Variants in FGF12 observed in about 807,000 individuals in gnomAD.
FGF12 encodes fibroblast growth factor 12B.
Under a neutral mutation model 23.6 loss-of-function variants are expected in FGF12, and 14 were observed. The observed-to-expected ratio is 0.59, with a 90% CI of 0.39 to 0.93. The LOEUF (loss-of-function observed/expected upper bound fraction) is 0.93. Among genes scored for constraint, FGF12 ranks in the 40% least tolerant of loss-of-function variants. FGF12 has a pLI of 0.00. For synonymous variants in FGF12, 62 were observed against 77.3 expected (o/e 0.80, Z 1.04); for missense variants, 175 against 217.8 (o/e 0.80, Z 1.24).
At chr3:192,481,078 A>T (rs939491509) in intron 2 of FGF12, among the ~76,000 whole-genome samples, 5 of 152,174 alleles carry the variant, frequency 3.3e-5, no homozygotes, top group African/African-American at 4.8e-5. Flanking sequence ...CTCCCCTCAA[A>T]ATCAAGTAAC....
intron 2 of FGF12, among the ~76,000 whole-genome samples, chr3:192,455,598 T>C (rs78786942): frequency 0.026 from 3,978 of 152,284 alleles, 136 homozygotes; most frequent in African/African-American, 0.083. Context: ...TTTTATAACT[T>C]TTTTATTTAA....
At position 192,389,177 on chromosome 3, in the gene FGF12, T is replaced by A. The variant is rs563229565; in HGVS notation, c.14-28639A>T. On this transcript the variant is annotated intron_variant, in intron 2 of 5. Coordinates refer to ENST00000445105, the MANE Select transcript of FGF12 (RefSeq NM_004113.6). ...GAGTTCCAGACCAGCCTGGGCAACA[T>A]GGCGAAACCCCATCTCTACTAAAAA... 4.6e-5 allele frequency among the ~76,000 whole-genome samples: 7 copies of A among 152,248 alleles called. No individual in the cohort carries two copies. The East Asian group carries it at 1.4e-3, about 29-fold the overall frequency.
intron 3 of FGF12, among the ~76,000 whole-genome samples, chr3:192,352,495 A>T (rs1718272348): frequency 6.6e-6 from 1 of 152,230 alleles, no homozygotes. Flanking sequence ...ACATTTTATG[A>T]ATCACTGACT....
intron 4 of FGF12, among the ~76,000 whole-genome samples, chr3:192,231,668 G>A (rs1719028734): frequency 6.6e-6 from 1 of 152,006 alleles, no homozygotes; most frequent in Non-Finnish European, 1.5e-5. Flanking sequence ...TACTTAGGAG[G>A]CTGAGGCAGG....
At chr3:192,536,533 A>G (rs371319079) in intron 2 of FGF12, among the ~76,000 whole-genome samples, 32 of 152,298 alleles carry the variant, frequency 2.1e-4, no homozygotes, top group African/African-American at 7.5e-4. Context: ...AGGGCAATAC[A>G]ACTATTAAAA....
Position 192,727,213 on chromosome 3 carries a change from T to TG in FGF12, c.-21dup. 6.3e-7 allele frequency: 1 copy of TG among 1,577,044 alleles called. No homozygotes were observed. The highest frequency in any genetic ancestry group is 8.6e-7 in the Non-Finnish European group (1 of 1,161,074). On this transcript the variant is annotated 5_prime_UTR_variant, in exon 2 of 6. Transcript: ENST00000445105. ...CTCCATTTCGGTCCCTTTCGAGTGC[T>TG]GGGAAGTTCAATGGAAGTTGGCCGG...
intron 2 of FGF12, among the ~76,000 whole-genome samples, chr3:192,512,835 A>AATAAATAAATATATATATATAT (rs35779279): frequency 2.6e-5 from 2 of 76,778 alleles, no homozygotes; most frequent in African/African-American, 1.3e-4. Flanking sequence ...TACTCAAATA[A>AATAAATAAATATATATATATAT]ATATATATAT....
intron 2 of FGF12, among the ~76,000 whole-genome samples, chr3:192,707,744 C>CAAA (rs780175053): frequency 2.4e-5 from 2 of 84,844 alleles, no homozygotes; most frequent in South Asian, 5.7e-4. Context: ...GACTCCTTCT[C>CAAA]AAAAAAAAAA....
chr3:192,381,994 C>CTT (rs112331195), intron 2 of FGF12, among the ~76,000 whole-genome samples: 3,262 of 145,458 alleles, frequency 0.022, 119 homozygotes, highest in African/African-American at 0.077. Flanking sequence ...TAGCATAACA[C>CTT]TTTTTTTTTT....
chr3:192,299,859 C>CCCGATCCCAGTCTAAGATAGTCTTT (rs1715243309), intron 4 of FGF12, among the ~76,000 whole-genome samples: 2 of 152,156 alleles, frequency 1.3e-5, no homozygotes, highest in Non-Finnish European at 2.9e-5. Context: ...CTCAAGTCTT[C>CCCGATCCCAGTCTAAGATAGTCTTT]CCGATCCCAG....
chr3:192,374,211 A>G (rs1020989606), intron 2 of FGF12, among the ~76,000 whole-genome samples: 1 of 152,202 alleles, frequency 6.6e-6, no homozygotes, highest in African/African-American at 2.4e-5. Flanking sequence ...TTTTATAAAA[A>G]CTGGTTTAAT....
chr3:192,150,181 ATTTG>A (rs1277503284), intron 5 of FGF12, among the ~76,000 whole-genome samples: 1 of 74,688 alleles, frequency 1.3e-5, no homozygotes, highest in East Asian at 3.1e-4. Context: ...TTTCTTGTAA[ATTTG>A]TTTGAGTTCA....
At chr3:192,367,146 G>C (rs2108739949) in intron 2 of FGF12, among the ~76,000 whole-genome samples, 1 of 152,322 alleles carries the variant, frequency 6.6e-6, no homozygotes, top group Non-Finnish European at 1.5e-5. Flanking sequence ...AGATAAGCCA[G>C]ATGGTCCACT....
At chr3:192,323,694 G>A (rs917121686) in intron 4 of FGF12, among the ~76,000 whole-genome samples, 4 of 152,156 alleles carry the variant, frequency 2.6e-5, no homozygotes, top group African/African-American at 9.7e-5. Flanking sequence ...ACCTAAAAGA[G>A]TATAATTGAA....
chr3:192,336,869 T>C lies in FGF12; in HGVS notation c.125-1405A>G, dbSNP rs2108702751. ...ATTGACAGTTGTAGAGGATCAAGTC[T>C]TAGACCACAAGTTTAGTAGAACAGG... On this transcript the variant is annotated intron_variant, in intron 3 of 5. Transcript: ENST00000445105. The surrounding 1 kb of genome is among the most constrained non-coding windows in gnomAD (Gnocchi z 4.3). 6.6e-6 allele frequency among the ~76,000 whole-genome samples: 1 copy of C among 152,254 alleles called. No homozygotes were observed. The highest frequency in any genetic ancestry group is 1.9e-4 in the East Asian group (1 of 5,186).
chr3:192,212,229 T>C (rs559301059), intron 4 of FGF12, among the ~76,000 whole-genome samples: 100 of 152,148 alleles, frequency 6.6e-4, no homozygotes, highest in Non-Finnish European at 1.2e-3. Context: ...TATTCTTTCA[T>C]AGACAATAAA....
intron 4 of FGF12, among the ~76,000 whole-genome samples, chr3:192,185,143 ATC>A (rs1160382111): frequency 9.9e-5 from 15 of 152,202 alleles, no homozygotes; most frequent in African/African-American, 3.6e-4. Flanking sequence ...ATCTAAAATT[ATC>A]TCTTTCTCTT....
rs369606090 is a variant in FGF12 at position 192,495,857 on chromosome 3, T to C, written c.14-135319A>G. 2.6e-5 allele frequency among the ~76,000 whole-genome samples: 4 copies of C among 151,958 alleles called. No homozygotes were observed. The East Asian group carries it at 5.8e-4, about 22-fold the overall frequency. On this transcript the variant is annotated intron_variant, in intron 2 of 5. Transcript: ENST00000445105. The stretch of plus-strand genomic sequence containing the variant: ...TTTATATATATATTTATATACAGGG[T>C]TTCCCATGTTGGCCAGGCTCATCTC...
chr3:192,360,394 T>C lies in FGF12; in HGVS notation c.124+34A>G. On this transcript the variant is annotated intron_variant, in intron 3 of 5. Coordinates refer to ENST00000445105, the MANE Select transcript of FGF12 (RefSeq NM_004113.6). The surrounding 1 kb of genome is among the most constrained non-coding windows in gnomAD (Gnocchi z 4.3). ...GATACACTGGGCCCTACATTTGATT[T>C]GTAATCAGATTGTAAGAAGCTAATG... The C allele has an allele frequency of 7.0e-7, 1 of 1,434,220 alleles. No individual in the cohort carries two copies. Among genetic ancestry groups the C allele is most frequent in the East Asian group, 2.3e-5 (1 of 43,952 alleles). The allele number at this position is 1,434,220 out of a possible 1,614,324, so 88.8% of individuals were successfully genotyped here. A position where few individuals can be genotyped will look rare whatever the true frequency, so the allele number is the denominator to read the frequency against.
Sources: allele counts gnomAD v4.1 joint callset (sites outside exome capture counted in the v4.1 genomes callset), GRCh38; gene constraint gnomAD v4.1.1; non-coding constraint Gnocchi (gnomAD v3.1); transcripts MANE v1.5; gene names NCBI Gene and HGNC (gene_info 2026-07-23, HGNC 2026-07-21).